The following TMEM232 variants were observed in gnomAD, a reference collection of about 807,000 sequenced individuals.
TMEM232 encodes transmembrane protein 232.
TMEM232 carries 80 observed loss-of-function variants against 78.8 expected under a neutral mutation model. The observed-to-expected ratio is 1.01, with a 90% confidence interval of 0.85 to 1.22. The LOEUF is 1.22. Ranked by LOEUF, TMEM232 falls within the 50% of genes most tolerant of loss-of-function variation. TMEM232 has a pLI of 0.00. For synonymous variants in TMEM232, 297 were observed against 254.3 expected, an observed-to-expected ratio of 1.17 and a Z score of -1.60; for missense variants, 881 against 742.2, an observed-to-expected ratio of 1.19 and a Z score of -2.17.
intron 1 of TMEM232, among the ~76,000 whole-genome samples, chr5:110,691,115 G>A (rs1794065130): frequency 7.0e-6 from 1 of 142,376 alleles, no homozygotes; most frequent in African/African-American, 2.6e-5. Context: ...CACATGTTCT[G>A]CACATGTATC....
chr5:110,482,366 A>C (rs1297378732), intron 12 of TMEM232, among the ~76,000 whole-genome samples: 1 of 152,246 alleles, frequency 6.6e-6, no homozygotes, highest in East Asian at 1.9e-4. Flanking sequence ...AGATAACCTG[A>C]GGTCAGGAGT....
intron 2 of TMEM232, among the ~76,000 whole-genome samples, chr5:110,404,027 A>G (rs1362308657): frequency 6.6e-6 from 1 of 151,850 alleles, no homozygotes; most frequent in Admixed American, 6.6e-5. Context: ...TTGCCCCTTT[A>G]CCACAGTCTT....
chr5:110,686,327 G>A (rs1793398899), intron 1 of TMEM232, among the ~76,000 whole-genome samples: 3 of 151,950 alleles, frequency 2.0e-5, no homozygotes, highest in Admixed American at 1.3e-4. Flanking sequence ...CTATGAGAAG[G>A]CAATGTCACA....
chr5:110,562,103 AG>A (rs1225546749), intron 11 of TMEM232, among the ~76,000 whole-genome samples: 2 of 152,126 alleles, frequency 1.3e-5, no homozygotes, highest in Non-Finnish European at 2.9e-5. Context: ...TATTTAAAAA[AG>A]TTATAGGAAG....
chr5:110,470,614 C>T (rs2149374067), intron 12 of TMEM232, among the ~76,000 whole-genome samples: 1 of 152,276 alleles, frequency 6.6e-6, no homozygotes, highest in African/African-American at 2.4e-5. Context: ...CACCATCACT[C>T]CTACAAACTC....
chr5:110,601,567 A>G (rs1580321912), intron 10 of TMEM232, among the ~76,000 whole-genome samples: 1 of 152,270 alleles, frequency 6.6e-6, no homozygotes, highest in African/African-American at 2.4e-5. Flanking sequence ...AAAATAAAAT[A>G]CCTAGGAATC....
intron 5 of TMEM232, among the ~76,000 whole-genome samples, chr5:110,637,793 A>G (rs557473039): frequency 6.6e-6 from 1 of 152,166 alleles, no homozygotes; most frequent in South Asian, 2.1e-4. Context: ...ATCTAAAGTG[A>G]CATAGAATAT....
rs145621563 is a variant in TMEM232 at position 110,408,629 on chromosome 5, G to A, written n.309-10775C>T. On this transcript the variant is annotated intron_variant and non_coding_transcript_variant, in intron 2 of 8. Transcript: ENST00000507188. ...AACAGAGACCCAAAAAAACCAAAAG[G>A]TGAAACAAAAAGTTTGTTTATTAAA... Among the ~76,000 whole-genome samples, 278 of 151,562 alleles carry A rather than the reference G, an allele frequency of 1.8e-3. 2 individuals carry two copies. The highest frequency in any genetic ancestry group is 6.1e-3 in the African/African-American group (252 of 41,334).
intron 11 of TMEM232, among the ~76,000 whole-genome samples, chr5:110,530,377 T>C (rs1271888527): frequency 2.0e-5 from 3 of 152,180 alleles, no homozygotes; most frequent in African/African-American, 7.2e-5. Context: ...ATCCCACTAC[T>C]GGGTATATCC....
At chr5:110,703,618 A>G (rs945215427) in intron 1 of TMEM232, among the ~76,000 whole-genome samples, 1 of 152,064 alleles carries the variant, frequency 6.6e-6, no homozygotes, top group Non-Finnish European at 1.5e-5. Context: ...TTTTCTCATT[A>G]TGTTGAAACA....
intron 11 of TMEM232, among the ~76,000 whole-genome samples, chr5:110,552,713 T>G (rs1390098282): frequency 1.3e-5 from 2 of 152,158 alleles, no homozygotes; most frequent in African/African-American, 4.8e-5. Flanking sequence ...ATATGAAACC[T>G]ATTTTAAATC....
Position 110,394,382 on chromosome 5 carries a change from T to A in TMEM232, n.390+3391A>T, listed in dbSNP as rs1580544657. On this transcript the variant is annotated intron_variant and non_coding_transcript_variant, in intron 3 of 8. Coordinates refer to the TMEM232 transcript ENST00000507188. ...TGACCACTTAGGTTTCCTCCAAATC[T>A]TGGCTATTGTGAATAGTGCTGCAGT... 3.3e-5 allele frequency among the ~76,000 whole-genome samples: 5 copies of A among 152,198 alleles called. No homozygotes were observed. In the South Asian group the frequency reaches 1.0e-3, roughly 31 times the overall value.
intron 12 of TMEM232, among the ~76,000 whole-genome samples, chr5:110,451,911 C>G (rs1015526838): frequency 6.6e-6 from 1 of 151,868 alleles, no homozygotes; most frequent in Non-Finnish European, 1.5e-5. Flanking sequence ...TATAGTTCAC[C>G]AATTTATTTA....
At chr5:110,643,109 C>T (rs1303619287) in intron 2 of TMEM232, among the ~76,000 whole-genome samples, 2 of 151,800 alleles carry the variant, frequency 1.3e-5, no homozygotes, top group Non-Finnish European at 2.9e-5. Context: ...ACCAGATTTG[C>T]CAATGAATTA....
intron 1 of TMEM232, among the ~76,000 whole-genome samples, chr5:110,682,476 A>G (rs1307805348): frequency 6.6e-6 from 1 of 151,984 alleles, no homozygotes; most frequent in African/African-American, 2.4e-5. Flanking sequence ...AAAGCATCCC[A>G]CTGTGGAAGA....
chr5:110,695,446 TA>T (rs1478596909), intron 1 of TMEM232, among the ~76,000 whole-genome samples: 1 of 152,076 alleles, frequency 6.6e-6, no homozygotes, highest in Admixed American at 6.5e-5. Context: ...AAGCAATAAC[TA>T]AAATCAGAGC....
At chr5:110,592,231 T>C (rs944296758) in intron 10 of TMEM232, among the ~76,000 whole-genome samples, 2 of 152,178 alleles carry the variant, frequency 1.3e-5, no homozygotes, top group African/African-American at 4.8e-5. Flanking sequence ...AGTTGACGTC[T>C]AGAGGTGTTA....
chr5:110,688,484 C>G (rs1580670242), intron 1 of TMEM232, among the ~76,000 whole-genome samples: 2 of 152,100 alleles, frequency 1.3e-5, no homozygotes, highest in East Asian at 3.9e-4. Flanking sequence ...GAGTAGCACT[C>G]CCAGAAGGTG....
chr5:110,534,580 C>T (rs949568690), intron 11 of TMEM232, among the ~76,000 whole-genome samples: 10 of 152,154 alleles, frequency 6.6e-5, no homozygotes, highest in Admixed American at 1.3e-4. Context: ...CTACTATCTT[C>T]TGTCTAGTCA....
Sources: gnomAD v4.1 joint callset for allele counts (sites outside exome capture counted in the v4.1 genomes callset) on GRCh38, gnomAD v4.1.1 for gene constraint, MANE v1.5 for transcripts, NCBI Gene and HGNC (gene_info 2026-07-23, HGNC 2026-07-21) for gene names.